The following NRXN3 variants were observed in gnomAD, a reference collection of about 807,000 sequenced individuals.
NRXN3 encodes neurexin 3.
Under a neutral mutation model 137.6 loss-of-function variants are expected in NRXN3, and 32 were observed. The ratio of observed to expected loss-of-function variants is 0.23; its 90% CI spans 0.18 to 0.31. The LOEUF (loss-of-function observed/expected upper bound fraction) is 0.31, where lower values mean the gene tolerates loss of function less well. Among genes scored for constraint, NRXN3 ranks in the 10% least tolerant of loss-of-function variants. The probability of loss-of-function intolerance (pLI) is 1.00; values close to 1 mark genes in which losing one functional copy is unlikely to be tolerated. For synonymous variants in NRXN3, 798 were observed against 784.5 expected, an observed-to-expected ratio of 1.02 and a Z score of -0.29; for missense variants, 1,574 against 2,062.5, an observed-to-expected ratio of 0.76 and a Z score of 4.59.
At chr14:78,507,659 T>G (rs1267507186) in intron 4 of NRXN3, among the ~76,000 whole-genome samples, 2 of 152,208 alleles carry the variant, frequency 1.3e-5, no homozygotes, top group African/African-American at 2.4e-5. Context: ...ATTTCATGTG[T>G]GAAATTAATC....
chr14:79,687,597 A>G (rs1054278553), intron 17 of NRXN3, among the ~76,000 whole-genome samples: 5 of 152,154 alleles, frequency 3.3e-5, no homozygotes, highest in African/African-American at 1.2e-4. Flanking sequence ...CCTTTATTTC[A>G]GGGCTCAAGA....
chr14:79,363,842 G>A (rs887742757), intron 15 of NRXN3, among the ~76,000 whole-genome samples: 20 of 152,136 alleles, frequency 1.3e-4, no homozygotes, highest in Non-Finnish European at 2.6e-4. Context: ...CTTCCTTGCC[G>A]ATATTGTGAT....
chr14:79,655,203 G>T (rs557105149), intron 16 of NRXN3, among the ~76,000 whole-genome samples: 1 of 152,180 alleles, frequency 6.6e-6, no homozygotes, highest in Non-Finnish European at 1.5e-5. Flanking sequence ...GACTTCCTTA[G>T]GGACTAGCAG....
chr14:78,793,710 A>T (rs911648735), intron 8 of NRXN3, among the ~76,000 whole-genome samples: 2 of 152,116 alleles, frequency 1.3e-5, no homozygotes, highest in Admixed American at 6.6e-5. Context: ...TGCTTACATG[A>T]CTGACTTAGT....
At chr14:78,209,966 C>A (rs1235320468) in intron 1 of NRXN3, among the ~76,000 whole-genome samples, 1 of 152,166 alleles carries the variant, frequency 6.6e-6, no homozygotes, top group Non-Finnish European at 1.5e-5. Flanking sequence ...AATTTAAGAG[C>A]CACAAAGGCA....
chr14:79,868,177 G>A lies in NRXN3; in HGVS notation c.*6213G>A, dbSNP rs1292056888. The A allele has an allele frequency of 6.6e-6, 1 of 152,114 alleles. No homozygotes were observed. The highest frequency in any genetic ancestry group is 1.5e-5 in the Non-Finnish European group (1 of 68,030). 9.4% of individuals were successfully genotyped at this position (152,114 alleles called of 1,614,324 possible). A position where few individuals can be genotyped will look rare whatever the true frequency, so the allele number is the denominator to read the frequency against. Reference sequence around the variant, plus strand: ...AATAATTATCCTTAAATAAATGTTGGTCGTTATTACAATTGGCTTTGTTAC... The same window carrying A: ...AATAATTATCCTTAAATAAATGTTGATCGTTATTACAATTGGCTTTGTTAC... On this transcript the variant is annotated 3_prime_UTR_variant, in exon 21 of 21. Coordinates refer to ENST00000335750, the MANE Select transcript of NRXN3 (RefSeq NM_001330195.2).
intron 16 of NRXN3, among the ~76,000 whole-genome samples, chr14:79,558,557 CTCTT>C (rs1213505231): frequency 3.3e-5 from 5 of 150,640 alleles, no homozygotes; most frequent in Non-Finnish European, 7.4e-5. Flanking sequence ...TTTTCTCTCT[CTCTT>C]TTTTTTTTTT....
chr14:79,121,128 G>T (rs2055348849), intron 15 of NRXN3, among the ~76,000 whole-genome samples: 1 of 152,192 alleles, frequency 6.6e-6, no homozygotes, highest in Admixed American at 6.5e-5. Flanking sequence ...TCTCACAATT[G>T]CTATAGCAAA....
chr14:79,268,603 A>T (rs2078809135), intron 15 of NRXN3, among the ~76,000 whole-genome samples: 2 of 152,206 alleles, frequency 1.3e-5, no homozygotes, highest in Non-Finnish European at 2.9e-5. Context: ...AAGCAGAAAG[A>T]AAACGTCAGC....
intron 15 of NRXN3, among the ~76,000 whole-genome samples, chr14:79,421,604 A>G (rs1378359266): frequency 1.3e-5 from 2 of 152,236 alleles, no homozygotes; most frequent in Non-Finnish European, 2.9e-5. Flanking sequence ...TGTCAGCTAC[A>G]GAATGTAGGC....
intron 2 of NRXN3, among the ~76,000 whole-genome samples, chr14:78,273,084 A>G (rs2073049455): frequency 6.6e-6 from 1 of 152,220 alleles, no homozygotes; most frequent in Non-Finnish European, 1.5e-5. Context: ...AACAGCACAC[A>G]GAGAATGCTT....
chr14:78,927,976 G>A (rs980599988), intron 10 of NRXN3, among the ~76,000 whole-genome samples: 3 of 152,124 alleles, frequency 2.0e-5, no homozygotes, highest in Admixed American at 6.6e-5. Context: ...CTCAAGACAT[G>A]AGGGCTAGAA....
At chr14:78,972,658 G>C (rs2099446956) in intron 14 of NRXN3, among the ~76,000 whole-genome samples, 1 of 152,100 alleles carries the variant, frequency 6.6e-6, no homozygotes. Context: ...TGCTGACTTG[G>C]CTCTGAGGAG....
At chr14:78,518,756 T>C (rs1289059352) in intron 4 of NRXN3, among the ~76,000 whole-genome samples, 3 of 152,098 alleles carry the variant, frequency 2.0e-5, no homozygotes, top group Admixed American at 2.0e-4. Context: ...CCCTAATTGG[T>C]TCACAGATGG....
chr14:79,164,395 T>C (rs1039846121), intron 15 of NRXN3, among the ~76,000 whole-genome samples: 3 of 152,000 alleles, frequency 2.0e-5, no homozygotes, highest in African/African-American at 7.2e-5. Flanking sequence ...CCTTGTTTTC[T>C]GCATTTTCAT....
chr14:78,195,575 A>C (rs550126771), intron 1 of NRXN3, among the ~76,000 whole-genome samples: 1 of 152,326 alleles, frequency 6.6e-6, no homozygotes, highest in Non-Finnish European at 1.5e-5. Context: ...GGGACAGCCC[A>C]TCTGGGGAGA....
Position 78,297,972 on chromosome 14 carries a change from C to G in NRXN3, c.757+112C>G, listed in dbSNP as rs994004522. Reference sequence around the variant, plus strand: ...GCAGGCCATTCGCTGCCTGTCCTTCCTGCGCTGGGCCAGGCTGGCTGCAGG... The same window carrying G: ...GCAGGCCATTCGCTGCCTGTCCTTCGTGCGCTGGGCCAGGCTGGCTGCAGG... On this transcript the variant is annotated intron_variant, in intron 4 of 20. Coordinates refer to ENST00000335750, the MANE Select transcript of NRXN3 (RefSeq NM_001330195.2). 1.2e-4 allele frequency: 149 copies of G among 1,282,536 alleles called. 1 individual carries two copies. In the Middle Eastern group the frequency reaches 1.4e-3, roughly 12 times the overall value. 79.4% of individuals were successfully genotyped at this position (1,282,536 alleles called of 1,614,324 possible). A position where few individuals can be genotyped will look rare whatever the true frequency, so the allele number is the denominator to read the frequency against.
intron 16 of NRXN3, among the ~76,000 whole-genome samples, chr14:79,630,536 G>A (rs1001769842): frequency 6.6e-6 from 1 of 152,190 alleles, no homozygotes; most frequent in Non-Finnish European, 1.5e-5. Context: ...AAGACTGACG[G>A]ACATTTATTT....
chr14:78,736,393 A>T (rs1442531400), intron 8 of NRXN3, among the ~76,000 whole-genome samples: 3 of 151,994 alleles, frequency 2.0e-5, no homozygotes, highest in South Asian at 2.1e-4. Flanking sequence ...TATTTTTTTC[A>T]CTCATAGGGC....
Sources: allele counts gnomAD v4.1 joint callset (sites outside exome capture counted in the v4.1 genomes callset), GRCh38; gene constraint gnomAD v4.1.1; transcripts MANE v1.5; gene names NCBI Gene and HGNC (gene_info 2026-07-23, HGNC 2026-07-21).